The following RBM20 variants were observed in gnomAD, a reference collection of about 807,000 sequenced individuals.
RBM20 encodes RNA binding motif protein 20, also known as RNA-binding protein 20.
Under a neutral mutation model 110.1 loss-of-function variants are expected in RBM20, and 51 were observed. That is an observed-to-expected ratio of 0.46 (90% confidence interval 0.37 to 0.59). The LOEUF (loss-of-function observed/expected upper bound fraction) is 0.59, where lower values mean the gene tolerates loss of function less well. RBM20 is among the 20% of genes least tolerant of loss of function. The probability of loss-of-function intolerance (pLI) is 0.00; values close to 1 mark genes in which losing one functional copy is unlikely to be tolerated. For missense variants in RBM20, 1,512 were observed against 1,574.9 expected, an observed-to-expected ratio of 0.96 and a Z score of 0.68; for synonymous variants, 589 against 618.2, an observed-to-expected ratio of 0.95 and a Z score of 0.70.
chr10:110,673,307 G>A (rs922547787), intron 1 of RBM20, among the ~76,000 whole-genome samples: 22 of 152,006 alleles, frequency 1.4e-4, no homozygotes, highest in Non-Finnish European at 1.9e-4. Context: ...TGCTTCTTGG[G>A]TTCGAGCAAT....
chr10:110,769,882 C>T (rs961371792), intron 1 of RBM20, among the ~76,000 whole-genome samples: 3 of 151,976 alleles, frequency 2.0e-5, no homozygotes, highest in South Asian at 4.2e-4. Flanking sequence ...CCATGCCTGG[C>T]CAATCTAAAA....
intron 1 of RBM20, among the ~76,000 whole-genome samples, chr10:110,757,719 G>T (rs1157849948): frequency 6.6e-6 from 1 of 152,178 alleles, no homozygotes; most frequent in Non-Finnish European, 1.5e-5. Context: ...GGAATAAAAG[G>T]CAACTGGTGT....
chr10:110,793,959 G>A (rs1007724350), intron 5 of RBM20, among the ~76,000 whole-genome samples: 2 of 152,220 alleles, frequency 1.3e-5, no homozygotes, highest in Non-Finnish European at 2.9e-5. Flanking sequence ...GCTTATAAGA[G>A]AGCCCGGGTT....
chr10:110,699,598 AAAC>A (rs1862726271), intron 1 of RBM20, among the ~76,000 whole-genome samples: 1 of 151,956 alleles, frequency 6.6e-6, no homozygotes, highest in Non-Finnish European at 1.5e-5. Context: ...CAACAACAAA[AAAC>A]AAAAAAAACC....
intron 1 of RBM20, among the ~76,000 whole-genome samples, chr10:110,663,056 C>T (rs535885741): frequency 6.6e-6 from 1 of 152,222 alleles, no homozygotes; most frequent in East Asian, 1.9e-4. Context: ...CCTCCGCCTC[C>T]CAGGTTCAAG....
At chr10:110,820,844 C>A (rs1259790659) in intron 10 of RBM20, among the ~76,000 whole-genome samples, 2 of 152,076 alleles carry the variant, frequency 1.3e-5, no homozygotes, top group South Asian at 2.1e-4. Context: ...GAAGCTTTGG[C>A]TGTGGGAGTG....
chr10:110,661,466 AAG>A (rs1862101091), intron 1 of RBM20, among the ~76,000 whole-genome samples: 2 of 152,178 alleles, frequency 1.3e-5, no homozygotes, highest in South Asian at 4.1e-4. Flanking sequence ...GAGGCCAAAA[AAG>A]ATTGGAACAA....
At chr10:110,806,628 C>T (rs899274015) in intron 7 of RBM20, among the ~76,000 whole-genome samples, 5 of 152,320 alleles carry the variant, frequency 3.3e-5, no homozygotes, top group African/African-American at 1.2e-4. Flanking sequence ...TGGGTGGGGA[C>T]ACAGAACCAA....
At chr10:110,745,020 ATCTT>A (rs1158799356) in intron 1 of RBM20, among the ~76,000 whole-genome samples, 1 of 152,198 alleles carries the variant, frequency 6.6e-6, no homozygotes, top group African/African-American at 2.4e-5. Flanking sequence ...GGGTGCTGGC[ATCTT>A]TCTTATGCAC....
At chr10:110,711,096 C>T (rs181467431) in intron 1 of RBM20, among the ~76,000 whole-genome samples, 1 of 151,970 alleles carries the variant, frequency 6.6e-6, no homozygotes, top group East Asian at 1.9e-4. Context: ...ATTGTGGCCA[C>T]CCCTATCCAG....
At chr10:110,767,247 C>G (rs1365609334) in intron 1 of RBM20, among the ~76,000 whole-genome samples, 30 of 126,802 alleles carry the variant, frequency 2.4e-4, no homozygotes, top group Non-Finnish European at 3.7e-4. Flanking sequence ...GACGGGGTGG[C>G]TGGCCGGGCA....
chr10:110,736,875 C>G (rs1040676779), intron 1 of RBM20, among the ~76,000 whole-genome samples: 1 of 151,928 alleles, frequency 6.6e-6, no homozygotes, highest in Admixed American at 6.6e-5. Flanking sequence ...GGGATTAGTG[C>G]TCTTATAAAA....
intron 5 of RBM20, among the ~76,000 whole-genome samples, chr10:110,793,221 T>A (rs78472088): frequency 0.021 from 3,167 of 152,284 alleles, 107 homozygotes; most frequent in African/African-American, 0.072. Context: ...AGGCCCTCTG[T>A]CTTCTAGGAG....
At chr10:110,682,512 A>G (rs1293829085) in intron 1 of RBM20, among the ~76,000 whole-genome samples, 1 of 152,130 alleles carries the variant, frequency 6.6e-6, no homozygotes, top group Admixed American at 6.5e-5. Flanking sequence ...GGGTCTCGGT[A>G]TGACTTCATT....
At chr10:110,763,197 T>C (rs1844030332) in intron 1 of RBM20, among the ~76,000 whole-genome samples, 1 of 152,174 alleles carries the variant, frequency 6.6e-6, no homozygotes, top group Admixed American at 6.5e-5. Flanking sequence ...CATATCCGAC[T>C]GGCTTTCACT....
At chr10:110,672,747 C>T (rs1239647312) in intron 1 of RBM20, among the ~76,000 whole-genome samples, 1 of 152,138 alleles carries the variant, frequency 6.6e-6, no homozygotes, top group Non-Finnish European at 1.5e-5. Flanking sequence ...TAGGTTGTAC[C>T]GTGGACTTGT....
At chr10:110,663,895 C>G (rs1299472981) in intron 1 of RBM20, among the ~76,000 whole-genome samples, 2 of 152,098 alleles carry the variant, frequency 1.3e-5, no homozygotes, top group African/African-American at 4.8e-5. Context: ...TCCACACACA[C>G]CCACATAAAC....
chr10:110,834,232 G>A (rs780948746), intron 13 of RBM20, among the ~76,000 whole-genome samples: 5 of 152,166 alleles, frequency 3.3e-5, no homozygotes, highest in African/African-American at 4.8e-5. Flanking sequence ...CTCAGCACAC[G>A]GTTTACCCTC....
At chr10:110,737,440 AAAT>A (rs1843683970) in intron 1 of RBM20, among the ~76,000 whole-genome samples, 1 of 152,144 alleles carries the variant, frequency 6.6e-6, no homozygotes, top group African/African-American at 2.4e-5. Flanking sequence ...TAATGTATAG[AAAT>A]AATGTGTGAA....
Sources: gnomAD v4.1 joint callset for allele counts (sites outside exome capture counted in the v4.1 genomes callset) on GRCh38, gnomAD v4.1.1 for gene constraint, MANE v1.5 for transcripts, NCBI Gene and HGNC (gene_info 2026-07-23, HGNC 2026-07-21) for gene names.